The following TTYH1 variants were observed in gnomAD, a reference collection of about 807,000 sequenced individuals.
The protein encoded by TTYH1 is protein tweety homolog 1.
A neutral mutation model predicts 61.2 loss-of-function variants in TTYH1; 33 were observed. The ratio of observed to expected loss-of-function variants is 0.54; its 90% CI spans 0.41 to 0.72. The LOEUF (loss-of-function observed/expected upper bound fraction) is 0.72, where lower values mean the gene tolerates loss of function less well. Among genes scored for constraint, TTYH1 ranks in the 30% least tolerant of loss-of-function variants. The pLI, the probability that TTYH1 is intolerant of heterozygous loss-of-function variation, is 0.00. For synonymous variants in TTYH1, 308 were observed against 266.4 expected (o/e 1.16, Z -1.52); for missense variants, 538 against 575.8 (o/e 0.93, Z 0.67).
chr19:54,435,755 G>T, intron 11 of TTYH1, 71 bp downstream of exon 11: 1 of 1,612,328 alleles, frequency 6.2e-7, no homozygotes, highest in Non-Finnish European at 8.5e-7. Flanking sequence ...CACGGTGGCA[G>T]TGGGGGTGGG....
Position 54,416,744 on chromosome 19 carries a change from G to A in TTYH1, c.126+1066G>A, listed in dbSNP as rs760473140. 5.4e-6 allele frequency: 7 copies of A among 1,290,658 alleles called. No homozygotes were observed. Among genetic ancestry groups the A allele is most frequent in the Non-Finnish European group, 7.1e-6 (7 of 988,128 alleles). The allele number at this position is 1,290,658 out of a possible 1,614,324, so 80.0% of individuals were successfully genotyped here. A position where few individuals can be genotyped will look rare whatever the true frequency, so the allele number is the denominator to read the frequency against. On this transcript the variant is annotated intron_variant, in intron 1 of 13. Coordinates refer to ENST00000376530, the MANE Select transcript of TTYH1 (RefSeq NM_020659.4). The surrounding 1 kb of genome is among the most constrained non-coding windows in gnomAD (Gnocchi z 7.0). ...AGCTCTTCCCCGCCTGCTCCTCGCCGCCCCCTCTCCCCACACACGGGGACC... is the reference window on the plus strand; with the variant it reads ...AGCTCTTCCCCGCCTGCTCCTCGCCACCCCCTCTCCCCACACACGGGGACC...
rs146935608 is a variant in TTYH1 at position 54,426,673 on chromosome 19, G to A, written c.639G>A (p.Arg213=). 252 of 1,613,592 alleles carry A rather than the reference G, an allele frequency of 1.6e-4. No individual in the cohort carries two copies. The highest frequency in any genetic ancestry group is 2.0e-4 in the Non-Finnish European group (231 of 1,179,842). Residue 213 remains arginine, a splice_region_variant and synonymous_variant, in exon 5 of 14, where the codon AGG becomes AGA. Transcript: ENST00000376530. ...AENVSFVEEY[R]WLAYVLLLLL... ...TCAGCCCTACCCTCTCCCCTCCCAG[G>A]TGGCTGGCCTACGTCCTCCTGCTGC...
In TTYH1 at chr19:54,416,665, G is replaced by A. The variant is rs974888604; in HGVS notation, c.126+987G>A. 3.9e-6 allele frequency: 4 copies of A among 1,031,262 alleles called. No homozygotes were observed. The highest frequency in any genetic ancestry group is 2.6e-6 in the Non-Finnish European group (2 of 776,544). The allele number at this position is 1,031,262 out of a possible 1,614,324, so 63.9% of individuals were successfully genotyped here. On this transcript the variant is annotated intron_variant, in intron 1 of 13. Transcript: ENST00000376530. This position sits in a 1 kb window ranked among gnomAD's most constrained non-coding sequence, Gnocchi z 7.0. The stretch of plus-strand genomic sequence containing the variant: ...GAGGGGGTCCCAGAAAAGCGCGGAG[G>A]GGATGAGTGCTGTGTTCTGAGCTAT...
At position 54,424,696 on chromosome 19, in the gene TTYH1, A is replaced by G. The variant is rs536756348; in HGVS notation, c.639-1977A>G. ...CTTCCGGGTGCACCACTGCGAAAGCACCCCACACTTGGGAGTCCCTCGACA... is the reference window on the plus strand; with the variant it reads ...CTTCCGGGTGCACCACTGCGAAAGCGCCCCACACTTGGGAGTCCCTCGACA... On this transcript the variant is annotated intron_variant, in intron 4 of 13. Coordinates refer to ENST00000376530, the MANE Select transcript of TTYH1 (RefSeq NM_020659.4). 7.2e-5 allele frequency among the ~76,000 whole-genome samples: 11 copies of G among 152,202 alleles called. No homozygotes were observed. In the East Asian group the frequency reaches 9.7e-4, roughly 13 times the overall value.
rs1429484919 is a variant in TTYH1, at chr19:54,436,043, TCC to T, written c.1315-46_1315-45del. On this transcript the variant is annotated intron_variant, in intron 12 of 13. Coordinates refer to ENST00000376530, the MANE Select transcript of TTYH1 (RefSeq NM_020659.4). The surrounding 1 kb of genome is among the most constrained non-coding windows in gnomAD (Gnocchi z 4.3). ...TGGGGTCCCACAGTACAAAGCCAAT[TCC>T]CACTCCATTCCCTCCTCTCCCCCGC... 5 of 1,602,640 alleles carry T rather than the reference TCC, an allele frequency of 3.1e-6. No homozygotes were observed. Among genetic ancestry groups the T allele is most frequent in the Non-Finnish European group, 4.3e-6 (5 of 1,170,392 alleles).
rs767820861 is a variant in TTYH1 at position 54,436,069 on chromosome 19, G to A, written c.1315-22G>A. ...CCCACTCCATTCCCTCCTCTCCCCC[G>A]CTACCCCGAATCTCCTAGCAGGAAT... On this transcript the variant is annotated intron_variant, in intron 12 of 13. Coordinates refer to ENST00000376530, the MANE Select transcript of TTYH1 (RefSeq NM_020659.4). This position sits in a 1 kb window ranked among gnomAD's most constrained non-coding sequence, Gnocchi z 4.3. 7.4e-6 allele frequency: 12 copies of A among 1,612,732 alleles called. No individual in the cohort carries two copies. The highest frequency in any genetic ancestry group is 4.5e-5 in the East Asian group (2 of 44,870).
chr19:54,421,412 A>G lies in TTYH1; in HGVS notation c.417+24A>G. ...TGGTGAGGGGCCAGCAACCAGTGGG[A>G]CCCCAGACCCACACCTGGACGGGCT... is the stretch of plus-strand genomic sequence containing the variant. On this transcript the variant is annotated intron_variant, in intron 3 of 13. Coordinates refer to ENST00000376530, the MANE Select transcript of TTYH1 (RefSeq NM_020659.4). This position sits in a 1 kb window ranked among gnomAD's most constrained non-coding sequence, Gnocchi z 4.8. 1.3e-6 allele frequency: 2 copies of G among 1,499,944 alleles called. No homozygotes were observed. The highest frequency in any genetic ancestry group is 1.9e-6 in the Non-Finnish European group (2 of 1,075,982). 92.9% of individuals were successfully genotyped at this position (1,499,944 alleles called of 1,614,324 possible).
rs771837621 is a variant in TTYH1, at chr19:54,436,142, G to T, written c.*13G>T. The T allele has an allele frequency of 1.2e-6, 2 of 1,613,930 alleles. No individual in the cohort carries two copies. The highest frequency in any genetic ancestry group is 2.2e-5 in the South Asian group (2 of 91,094). On this transcript the variant is annotated 3_prime_UTR_variant, in exon 13 of 14. Transcript: ENST00000376530. The surrounding 1 kb of genome is among the most constrained non-coding windows in gnomAD (Gnocchi z 4.3). Reference sequence around the variant, plus strand: ...GTCGTCTATCTGAGCCCCTCCTCCCGGCTGGACTGGAGCCTGGCTCCCCTC... The same window carrying T: ...GTCGTCTATCTGAGCCCCTCCTCCCTGCTGGACTGGAGCCTGGCTCCCCTC...
chr19:54,430,914 G>A lies in TTYH1; in HGVS notation c.1032+9G>A. The A allele has an allele frequency of 1.2e-6, 2 of 1,611,464 alleles. No individual in the cohort carries two copies. Among genetic ancestry groups the A allele is most frequent in the Middle Eastern group, 1.7e-4 (1 of 6,052 alleles). On this transcript the variant is annotated intron_variant, in intron 9 of 13. Transcript: ENST00000376530. The stretch of plus-strand genomic sequence containing the variant: ...AGTTCCCTTCAGCGCAGGTCGGTGG[G>A]TGGGCGCTCCCCAGACACGCGGACC...
Position 54,421,220 on chromosome 19 carries a change from G to T in TTYH1, c.306-57G>T. The T allele has an allele frequency of 8.5e-7, 1 of 1,171,144 alleles. No homozygotes were observed. The highest frequency in any genetic ancestry group is 1.3e-6 in the Non-Finnish European group (1 of 781,408). 72.5% of individuals were successfully genotyped at this position (1,171,144 alleles called of 1,614,324 possible). A position where few individuals can be genotyped will look rare whatever the true frequency, so the allele number is the denominator to read the frequency against. Reference sequence around the variant, plus strand: ...TGGAGGGGATGGGGTGGGAGGGGACGGTGGCCCCCGGGGTCCTGGGACCCG... The same window carrying T: ...TGGAGGGGATGGGGTGGGAGGGGACTGTGGCCCCCGGGGTCCTGGGACCCG... On this transcript the variant is annotated intron_variant, in intron 2 of 13. Coordinates refer to ENST00000376530, the MANE Select transcript of TTYH1 (RefSeq NM_020659.4). The surrounding 1 kb of genome is among the most constrained non-coding windows in gnomAD (Gnocchi z 4.8).
Position 54,435,683 on chromosome 19 carries a change from A to G in TTYH1, c.1267A>G (p.Ser423Gly). 2 of 1,608,906 alleles carry G rather than the reference A, an allele frequency of 1.2e-6. No homozygotes were observed. Among genetic ancestry groups the G allele is most frequent in the Non-Finnish European group, 1.7e-6 (2 of 1,177,544 alleles). Residue 423 changes from serine (S) to glycine (G), a missense_variant and splice_region_variant, in exon 11 of 14, where the codon AGT (serine) becomes GGT (glycine). Ser to Gly is a moderately conservative substitution (Grantham distance 56, BLOSUM62 0). Around this residue, in one of 3 missense-constraint regions of TTYH1, gnomAD observed 378 missense variants for 401.2 expected, o/e 0.94. Coordinates refer to ENST00000376530, the MANE Select transcript of TTYH1 (RefSeq NM_020659.4). ...LPRAWALFPP[S>G]DDYDDTDDDD... is the part of the protein sequence containing the mutation. ...CCGAGCCTGGGCCCTCTTCCCACCC[A>G]GGTCAGGAGCGGGGGAGGGTAGGGT... is the stretch of plus-strand genomic sequence containing the variant.
rs909749331 is a variant in TTYH1 at position 54,416,796 on chromosome 19, G to T, written c.126+1118G>T. ...CCGTCCCCTCGCCCACAGCCTCGCGGTTACACAACGGCCACCTCCAACAAC... is the reference window on the plus strand; with the variant it reads ...CCGTCCCCTCGCCCACAGCCTCGCGTTTACACAACGGCCACCTCCAACAAC... On this transcript the variant is annotated intron_variant, in intron 1 of 13. Transcript: ENST00000376530. The surrounding 1 kb of genome is among the most constrained non-coding windows in gnomAD (Gnocchi z 7.0). The T allele has an allele frequency of 2.3e-6, 3 of 1,293,976 alleles. No homozygotes were observed. The highest frequency in any genetic ancestry group is 2.3e-5 in the Admixed American group (1 of 43,518). 80.2% of individuals were successfully genotyped at this position (1,293,976 alleles called of 1,614,324 possible). A position where few individuals can be genotyped will look rare whatever the true frequency, so the allele number is the denominator to read the frequency against.
rs1244571169 is a variant in TTYH1 at position 54,416,642 on chromosome 19, G to A, written c.126+964G>A. The A allele has an allele frequency of 2.5e-6, 2 of 811,232 alleles. No individual in the cohort carries two copies. The highest frequency in any genetic ancestry group is 3.4e-6 in the Non-Finnish European group (2 of 583,862). The allele number at this position is 811,232 out of a possible 1,614,324, so 50.3% of individuals were successfully genotyped here. A position where few individuals can be genotyped will look rare whatever the true frequency, so the allele number is the denominator to read the frequency against. ...GATTGGAGAGCTCAGGGGGCGTGGA[G>A]GGGGTCCCAGAAAAGCGCGGAGGGG... On this transcript the variant is annotated intron_variant, in intron 1 of 13. Coordinates refer to ENST00000376530, the MANE Select transcript of TTYH1 (RefSeq NM_020659.4). This position sits in a 1 kb window ranked among gnomAD's most constrained non-coding sequence, Gnocchi z 7.0.
In TTYH1 at chr19:54,419,197, C is replaced by T. The variant is rs769872934; in HGVS notation, c.196C>T (p.Leu66Phe). ...GAGCCTCATTTTCATCGCTGTCTAC[C>T]TCATCCGCTTCTGCTGCTGCCGGCC... is the stretch of plus-strand genomic sequence containing the variant. ...GLSLIFIAVY[L>F]IRFCCCRPPE... The change falls in exon 2 of 14, where the codon CTC (leucine) becomes TTC (phenylalanine). Residue 66 changes from leucine (L) to phenylalanine (F), a missense_variant. This residue lies in a region of TTYH1 where 157 missense variants were observed against 157.0 expected (regional missense o/e 1.00). Coordinates refer to ENST00000376530, the MANE Select transcript of TTYH1 (RefSeq NM_020659.4). This position sits in a 1 kb window ranked among gnomAD's most constrained non-coding sequence, Gnocchi z 6.1. 1.2e-6 allele frequency: 2 copies of T among 1,612,716 alleles called. No individual in the cohort carries two copies. Among genetic ancestry groups the T allele is most frequent in the South Asian group, 1.1e-5 (1 of 91,086 alleles).
chr19:54,436,646 C>T lies in TTYH1; in HGVS notation c.*356C>T. On this transcript the variant is annotated 3_prime_UTR_variant, in exon 14 of 14. Transcript: ENST00000376530. This position sits in a 1 kb window ranked among gnomAD's most constrained non-coding sequence, Gnocchi z 4.3. ...TGCCACATCCCAGTGGGCTCTGACCCCCTGATCTCAACTCGTGGCACTAAC... is the reference window on the plus strand; with the variant it reads ...TGCCACATCCCAGTGGGCTCTGACCTCCTGATCTCAACTCGTGGCACTAAC... The T allele has an allele frequency of 1.8e-6, 1 of 542,658 alleles. No homozygotes were observed. 33.6% of individuals were successfully genotyped at this position (542,658 alleles called of 1,614,324 possible).
rs754411046 is a variant in TTYH1, at chr19:54,430,797, C to T, written c.940-16C>T. The stretch of plus-strand genomic sequence containing the variant: ...TATACTCCTGGGTCCTCCTCCCTCC[C>T]TTTCTCTTTCTGCAGAGGCTGACTC... On this transcript the variant is annotated splice_polypyrimidine_tract_variant and intron_variant, in intron 8 of 13. Transcript: ENST00000376530. 4 of 1,612,992 alleles carry T rather than the reference C, an allele frequency of 2.5e-6. No homozygotes were observed. In the South Asian group the frequency reaches 3.3e-5, roughly 13 times the overall value.
rs753924369 is a variant in TTYH1, at chr19:54,421,220, G to A, written c.306-57G>A. ...TGGAGGGGATGGGGTGGGAGGGGAC[G>A]GTGGCCCCCGGGGTCCTGGGACCCG... On this transcript the variant is annotated intron_variant, in intron 2 of 13. Coordinates refer to ENST00000376530, the MANE Select transcript of TTYH1 (RefSeq NM_020659.4). This position sits in a 1 kb window ranked among gnomAD's most constrained non-coding sequence, Gnocchi z 4.8. The A allele has an allele frequency of 1.4e-5, 16 of 1,171,026 alleles. No individual in the cohort carries two copies. Among genetic ancestry groups the A allele is most frequent in the Admixed American group, 8.6e-5 (5 of 58,134 alleles). The allele number at this position is 1,171,026 out of a possible 1,614,324, so 72.5% of individuals were successfully genotyped here.
In TTYH1 at chr19:54,416,125, G is replaced by T. The variant is rs2083073764; in HGVS notation, c.126+447G>T. 6.3e-6 allele frequency: 8 copies of T among 1,266,904 alleles called. No individual in the cohort carries two copies. In the South Asian group the frequency reaches 7.5e-5, roughly 12 times the overall value. 78.5% of individuals were successfully genotyped at this position (1,266,904 alleles called of 1,614,324 possible). A position where few individuals can be genotyped will look rare whatever the true frequency, so the allele number is the denominator to read the frequency against. On this transcript the variant is annotated intron_variant, in intron 1 of 13. Transcript: ENST00000376530. The surrounding 1 kb of genome is among the most constrained non-coding windows in gnomAD (Gnocchi z 7.0). ...GACAGCGGACCTGATAACGGTGGCG[G>T]GGAAAACGCTGGCTGCTGCGGTGCT...
chr19:54,423,163 G>A (rs1201926462), intron 4 of TTYH1, among the ~76,000 whole-genome samples: 3 of 150,198 alleles, frequency 2.0e-5, no homozygotes, highest in South Asian at 2.1e-4. Context: ...TCACTCAGTC[G>A]TTCATCCGTG....
Sources: allele counts gnomAD v4.1 joint callset (sites outside exome capture counted in the v4.1 genomes callset), GRCh38; gene constraint gnomAD v4.1.1; regional missense constraint gnomAD v4.1.1; non-coding constraint Gnocchi (gnomAD v3.1); transcripts MANE v1.5; gene names NCBI Gene and HGNC (gene_info 2026-07-23, HGNC 2026-07-21).